Variants in BTN3A2 observed in about 807,000 individuals in gnomAD.
BTN3A2 encodes butyrophilin protein.
Under a neutral mutation model 37.6 loss-of-function variants are expected in BTN3A2, and 25 were observed. That is an observed-to-expected ratio of 0.66 (90% confidence interval 0.48 to 0.93). BTN3A2 has a LOEUF of 0.93. Ranked by LOEUF, BTN3A2 falls within the 40% of genes least tolerant of loss-of-function variation. The probability of loss-of-function intolerance (pLI) is 0.00; values close to 1 mark genes in which losing one functional copy is unlikely to be tolerated. For missense variants in BTN3A2, 266 were observed against 410.9 expected, an observed-to-expected ratio of 0.65 and a Z score of 3.05; for synonymous variants, 122 against 159.4, an observed-to-expected ratio of 0.77 and a Z score of 1.77.
At chr6:26,365,830 G>A (rs1213362659) in intron 1 of BTN3A2, among the ~76,000 whole-genome samples, 1 of 152,128 alleles carries the variant, frequency 6.6e-6, no homozygotes, top group African/African-American at 2.4e-5. Flanking sequence ...TATTACAGAA[G>A]TATTTATAAT....
rs147257054 is a variant in BTN3A2 at position 26,368,251 on chromosome 6, G to A, written c.69G>A (p.Leu23=). The change falls in exon 3 of 11, where the codon CTG becomes CTA. Residue 23 remains leucine, a synonymous_variant. Coordinates refer to ENST00000377708, the MANE Select transcript of BTN3A2 (RefSeq NM_007047.5). ...NFHVSLLLVQ[L]LTPCSAQFSV... is the part of the protein sequence containing the mutation. ...ATGTCTCCCTCCTCTTGGTCCAGCT[G>A]CTCACTCCTTGCTCAGGTAGGGAAT... 14 of 1,614,148 alleles carry A rather than the reference G, an allele frequency of 8.7e-6. No individual in the cohort carries two copies. The African/African-American group carries it at 1.3e-4, about 15-fold the overall frequency.
chr6:26,377,434 G>A lies in BTN3A2; in HGVS notation c.*1672G>A. The stretch of plus-strand genomic sequence containing the variant: ...ACTTTACAAAGCAGACAGGAATAGT[G>A]AACAACAGAGCTGGGATCTGAACAA... On this transcript the variant is annotated 3_prime_UTR_variant, in exon 11 of 11. Coordinates refer to ENST00000377708, the MANE Select transcript of BTN3A2 (RefSeq NM_007047.5). The A allele has an allele frequency of 2.2e-6, 1 of 456,654 alleles. No homozygotes were observed. The highest frequency in any genetic ancestry group is 4.0e-6 in the Non-Finnish European group (1 of 247,824). The allele number at this position is 456,654 out of a possible 1,614,324, so 28.3% of individuals were successfully genotyped here.
In BTN3A2 at chr6:26,368,681, GT is replaced by G. The variant is rs1759781762; in HGVS notation, c.203del (p.Val68GlufsTer5). 6.2e-7 allele frequency: 1 copy of G among 1,613,926 alleles called. No homozygotes were observed. The highest frequency in any genetic ancestry group is 1.3e-5 in the African/African-American group (1 of 74,948). The stretch of plus-strand genomic sequence containing the variant: ...TGCAGAGACCATGGAGCTGAAGTGG[GT>G]AAGTTCCAGCCTAAGGCAGGTGGTG... ...MSAETMELKW[V>X]SSSLRQVVNV... On this transcript the variant is annotated frameshift_variant, in exon 4 of 11. Coordinates refer to ENST00000377708, the MANE Select transcript of BTN3A2 (RefSeq NM_007047.5). LOFTEE classifies it high-confidence loss of function.
In BTN3A2 at chr6:26,368,282, C is replaced by A; in HGVS notation, c.85+15C>A. On this transcript the variant is annotated intron_variant, in intron 3 of 10. Transcript: ENST00000377708. Reference sequence around the variant, plus strand: ...TCCTTGCTCAGGTAGGGAATGATTCCATGATTCCACATTTATGTTTCTGAA... The same window carrying A: ...TCCTTGCTCAGGTAGGGAATGATTCAATGATTCCACATTTATGTTTCTGAA... The A allele has an allele frequency of 2.5e-6, 4 of 1,611,734 alleles. No individual in the cohort carries two copies. The highest frequency in any genetic ancestry group is 3.4e-6 in the Non-Finnish European group (4 of 1,177,870).
intron 8 of BTN3A2, 86 bp from the exon 9 acceptor site, chr6:26,374,223 AAAAAAAAAAAAAAAAAAG>A: frequency 4.7e-6 from 2 of 429,888 alleles, no homozygotes; most frequent in Non-Finnish European, 8.0e-6. Context: ...AAAAAAAAAA[AAAAAAAAAAAAAAAAAAG>A]ACTAGATGGA....
intron 4 of BTN3A2, 54 bp from the exon 5 acceptor site, chr6:26,370,268 A>AC: frequency 6.4e-7 from 1 of 1,570,180 alleles, no homozygotes; most frequent in Non-Finnish European, 8.7e-7. Context: ...TCCCATTGAG[A>AC]CCCTCCCTAA....
intron 3 of BTN3A2, 84 bp from the exon 4 acceptor site, chr6:26,368,481 C>T (rs1315821068): frequency 1.2e-5 from 20 of 1,601,088 alleles, no homozygotes; most frequent in African/African-American, 4.0e-5. Flanking sequence ...CTCTGTATCT[C>T]GCCTTCCCTG....
chr6:26,376,916 T>A lies in BTN3A2; in HGVS notation c.*1154T>A. On this transcript the variant is annotated 3_prime_UTR_variant, in exon 11 of 11. Coordinates refer to ENST00000377708, the MANE Select transcript of BTN3A2 (RefSeq NM_007047.5). ...CTGAGCCCAGAACCAACCTGAAACT[T>A]CCTGAGCCTCCTAGGAAAGTGGGGG... 1 of 1,613,388 alleles carries A rather than the reference T, an allele frequency of 6.2e-7. No homozygotes were observed. The highest frequency in any genetic ancestry group is 8.5e-7 in the Non-Finnish European group (1 of 1,179,544).
intron 8 of BTN3A2, 88 bp from the exon 9 acceptor site, chr6:26,374,239 A>ACT: frequency 2.3e-6 from 1 of 425,760 alleles, no homozygotes; most frequent in Non-Finnish European, 3.9e-6. Flanking sequence ...AAAAAAAAAA[A>ACT]AGACTAGATG....
At chr6:26,369,428 G>A (rs1190777871) in intron 4 of BTN3A2, among the ~76,000 whole-genome samples, 4 of 152,226 alleles carry the variant, frequency 2.6e-5, no homozygotes, top group South Asian at 2.1e-4. Context: ...CGGGGTCTCA[G>A]TAAGAAGGTG....
In BTN3A2 at chr6:26,377,452, C is replaced by A. The variant is rs1581576215; in HGVS notation, c.*1690C>A. 4 of 434,742 alleles carry A rather than the reference C, an allele frequency of 9.2e-6. No homozygotes were observed. In the Admixed American group the frequency reaches 1.4e-4, roughly 16 times the overall value. The allele number at this position is 434,742 out of a possible 1,614,324, so 26.9% of individuals were successfully genotyped here. ...GAATAGTGAACAACAGAGCTGGGAT[C>A]TGAACAACAATGACTAACATTAATG... On this transcript the variant is annotated 3_prime_UTR_variant, in exon 11 of 11. Coordinates refer to ENST00000377708, the MANE Select transcript of BTN3A2 (RefSeq NM_007047.5).
Position 26,376,967 on chromosome 6 carries a change from T to TA in BTN3A2, c.*1206dup. Reference sequence around the variant, plus strand: ...TCATCCTGGACTATGAGACTGGACATATCTCGTTCTACAATGCCACGGATG... The same window carrying TA: ...TCATCCTGGACTATGAGACTGGACATAATCTCGTTCTACAATGCCACGGATG... On this transcript the variant is annotated 3_prime_UTR_variant, in exon 11 of 11. Coordinates refer to ENST00000377708, the MANE Select transcript of BTN3A2 (RefSeq NM_007047.5). The TA allele has an allele frequency of 1.9e-6, 3 of 1,571,634 alleles. No homozygotes were observed. Among genetic ancestry groups the TA allele is most frequent in the Non-Finnish European group, 2.6e-6 (3 of 1,142,238 alleles).
Position 26,373,314 on chromosome 6 carries a change from C to T in BTN3A2, c.937+18C>T, listed in dbSNP as rs1277305242. 2 of 1,607,806 alleles carry T rather than the reference C, an allele frequency of 1.2e-6. No homozygotes were observed. The highest frequency in any genetic ancestry group is 1.1e-5 in the South Asian group (1 of 90,022). ...GGAACTCAGTAAGTTACCATTCCCC[C>T]AGAGATCCAGACATGTCTTCCTATC... is the stretch of plus-strand genomic sequence containing the variant. On this transcript the variant is annotated intron_variant, in intron 7 of 10. Coordinates refer to ENST00000377708, the MANE Select transcript of BTN3A2 (RefSeq NM_007047.5).
In BTN3A2 at chr6:26,370,548, C is replaced by A. The variant is rs776629062; in HGVS notation, c.660C>A (p.Cys220Ter). Residue 220 changes from cysteine to a stop codon, truncating the protein, a stop_gained, in exon 5 of 11, where the codon TGC (cysteine) becomes TGA (stop). Transcript: ENST00000377708. LOFTEE classifies it high-confidence loss of function. Reference protein sequence around the residue: ...MRGGSGEGVSCIIRNSLLGLE... With the variant: ...MRGGSGEGVS ...GCGGCTCCGGGGAGGGTGTATCCTG[C>A]ATCATCAGAAATTCCCTCCTCGGCC... 8 of 1,614,214 alleles carry A rather than the reference C, an allele frequency of 5.0e-6. 1 individual carries two copies. The South Asian group carries it at 8.8e-5, about 18-fold the overall frequency.
In BTN3A2 at chr6:26,377,105, A is replaced by G; in HGVS notation, c.*1343A>G. ...TGACCGTTTGCCCAATACCAAAAGT[A>G]GAGAGTTCCCCCGATCCCGACCTAG... On this transcript the variant is annotated 3_prime_UTR_variant, in exon 11 of 11. Transcript: ENST00000377708. 7.6e-7 allele frequency: 1 copy of G among 1,323,082 alleles called. No homozygotes were observed. The highest frequency in any genetic ancestry group is 1.2e-5 in the South Asian group (1 of 85,080). 82.0% of individuals were successfully genotyped at this position (1,323,082 alleles called of 1,614,324 possible). A position where few individuals can be genotyped will look rare whatever the true frequency, so the allele number is the denominator to read the frequency against.
At chr6:26,374,428 C>G in intron 9 of BTN3A2, 55 bp downstream of exon 9, 1 of 1,533,296 alleles carries the variant, frequency 6.5e-7, no homozygotes, top group Non-Finnish European at 9.0e-7. Context: ...CCACTGTGAC[C>G]CGTGGATGTT....
chr6:26,377,702 A>G lies in BTN3A2; in HGVS notation c.*1940A>G, dbSNP rs1760790313. The G allele has an allele frequency of 5.6e-6, 1 of 179,636 alleles. No homozygotes were observed. Among genetic ancestry groups the G allele is most frequent in the African/African-American group, 2.4e-5 (1 of 41,972 alleles). 11.1% of individuals were successfully genotyped at this position (179,636 alleles called of 1,614,324 possible). The stretch of plus-strand genomic sequence containing the variant: ...TCTTTTCCAGCCTGATTTTTCCTGC[A>G]TGGGAAGAGCCCACATGTAGCCCTG... On this transcript the variant is annotated 3_prime_UTR_variant, in exon 11 of 11. Coordinates refer to ENST00000377708, the MANE Select transcript of BTN3A2 (RefSeq NM_007047.5).
chr6:26,374,746 C>G, intron 9 of BTN3A2, 25 bp from the exon 10 acceptor site: 1 of 1,524,366 alleles, frequency 6.6e-7, no homozygotes, highest in Non-Finnish European at 9.1e-7. Flanking sequence ...TGACCTTTTT[C>G]TTATCTGTGT....
rs1007709744 is a variant in BTN3A2, at chr6:26,376,553, C to T, written c.*791C>T. 19 of 1,373,076 alleles carry T rather than the reference C, an allele frequency of 1.4e-5. No individual in the cohort carries two copies. In the African/African-American group the frequency reaches 2.6e-4, roughly 19 times the overall value. The allele number at this position is 1,373,076 out of a possible 1,614,324, so 85.1% of individuals were successfully genotyped here. On this transcript the variant is annotated 3_prime_UTR_variant, in exon 11 of 11. Coordinates refer to ENST00000377708, the MANE Select transcript of BTN3A2 (RefSeq NM_007047.5). ...GGAAAAATGGCTGACCCCATGGACACCTCCTCAAACTCTCTGCAGCAGATG... is the reference window on the plus strand; with the variant it reads ...GGAAAAATGGCTGACCCCATGGACATCTCCTCAAACTCTCTGCAGCAGATG...
Sources: gnomAD v4.1 joint callset for allele counts (sites outside exome capture counted in the v4.1 genomes callset) on GRCh38, gnomAD v4.1.1 for gene constraint, MANE v1.5 for transcripts, NCBI Gene and HGNC (gene_info 2026-07-23, HGNC 2026-07-21) for gene names.